The following GNAO1 variants were observed in gnomAD, a reference collection of about 807,000 sequenced individuals.
GNAO1 encodes guanine nucleotide-binding protein G(o) subunit alpha.
For synonymous variants in GNAO1, 164 were observed against 180.7 expected, an observed-to-expected ratio of 0.91 and a Z score of 0.74; for missense variants, 166 against 478.7, an observed-to-expected ratio of 0.35 and a Z score of 6.10.
chr16:56,202,736 G>A (rs1387254077), intron 2 of GNAO1, among the ~76,000 whole-genome samples: 3 of 152,242 alleles, frequency 2.0e-5, no homozygotes, highest in Non-Finnish European at 4.4e-5. Flanking sequence ...TCTCTGTGAA[G>A]TGAGAAGAAT....
chr16:56,218,442 C>T (rs1285085781), intron 2 of GNAO1, among the ~76,000 whole-genome samples: 8 of 152,000 alleles, frequency 5.3e-5, no homozygotes, highest in African/African-American at 1.9e-4. Flanking sequence ...GCAGCAGGCT[C>T]GGCAGGAGAG....
At chr16:56,271,310 T>A (rs972333724) in intron 2 of GNAO1, among the ~76,000 whole-genome samples, 3 of 152,190 alleles carry the variant, frequency 2.0e-5, no homozygotes, top group Admixed American at 6.5e-5. Context: ...CCTAGAATTG[T>A]TTTGAAGGTT....
intron 2 of GNAO1, among the ~76,000 whole-genome samples, chr16:56,239,103 A>G (rs1363442660): frequency 1.3e-5 from 2 of 152,260 alleles, no homozygotes; most frequent in Non-Finnish European, 2.9e-5. Context: ...AATACACTTC[A>G]GTGTCACATC....
At chr16:56,263,131 C>T (rs753291929) in intron 2 of GNAO1, among the ~76,000 whole-genome samples, 2 of 152,150 alleles carry the variant, frequency 1.3e-5, no homozygotes, top group African/African-American at 2.4e-5. Flanking sequence ...CCACAGACTC[C>T]GGGCCCAAGG....
intron 3 of GNAO1, among the ~76,000 whole-genome samples, chr16:56,321,493 C>A (rs747738833): frequency 2.6e-5 from 4 of 152,156 alleles, no homozygotes; most frequent in Non-Finnish European, 5.9e-5. Flanking sequence ...GATTGTTAGT[C>A]TCATTTGACA....
At position 56,328,752 on chromosome 16, in the gene GNAO1, A is replaced by G. The variant is rs758424351; in HGVS notation, c.425A>G (p.Asn142Ser). 3.2e-5 allele frequency: 52 copies of G among 1,613,760 alleles called. No homozygotes were observed. The highest frequency in any genetic ancestry group is 2.3e-4 in the Admixed American group (14 of 60,010). Reference sequence around the variant, plus strand: ...GACTCAGGAATCCAAGAGTGCTTCAACCGGTCCCGGGAGTATCAGCTCAAC... The same window carrying G: ...GACTCAGGAATCCAAGAGTGCTTCAGCCGGTCCCGGGAGTATCAGCTCAAC... ...WGDSGIQECF[N>S]RSREYQLNDS... The change falls in exon 4 of 9, where the codon AAC (asparagine) becomes AGC (serine). Residue 142 changes from asparagine (N) to serine (S), a missense_variant. Coordinates refer to ENST00000262493, the MANE Select transcript of GNAO1 (RefSeq NM_020988.3).
At chr16:56,293,184 G>T (rs1445086190) in intron 3 of GNAO1, among the ~76,000 whole-genome samples, 1 of 152,252 alleles carries the variant, frequency 6.6e-6, no homozygotes. Flanking sequence ...AAGAAGAGAT[G>T]AAATACTTTT....
chr16:56,227,934 A>G (rs1193546560), intron 2 of GNAO1, among the ~76,000 whole-genome samples: 1 of 152,078 alleles, frequency 6.6e-6, no homozygotes, highest in Non-Finnish European at 1.5e-5. Context: ...GGAAGCTGCC[A>G]TCAGGTAGTC....
At chr16:56,305,907 C>A (rs572282371) in intron 3 of GNAO1, among the ~76,000 whole-genome samples, 1 of 152,150 alleles carries the variant, frequency 6.6e-6, no homozygotes, top group Non-Finnish European at 1.5e-5. Context: ...TGGATTAGAA[C>A]CCATCTAATC....
intron 6 of GNAO1, among the ~76,000 whole-genome samples, chr16:56,337,950 C>T (rs2037759205): frequency 6.6e-6 from 1 of 152,210 alleles, no homozygotes; most frequent in Non-Finnish European, 1.5e-5. Flanking sequence ...TCCCCCACCC[C>T]ACGCCTCTGA....
In GNAO1 at chr16:56,328,810, G is replaced by A. The variant is rs373227432; in HGVS notation, c.464+19G>A. 2.3e-5 allele frequency: 37 copies of A among 1,612,202 alleles called. No homozygotes were observed. The highest frequency in any genetic ancestry group is 2.9e-5 in the Non-Finnish European group (34 of 1,178,454). ...CCAAATAGTGAGTGTCCCAGCGGGC[G>A]CATGGCCTGGAGCCGGGCAGTGATG... On this transcript the variant is annotated intron_variant, in intron 4 of 8. Transcript: ENST00000262493.
intron 6 of GNAO1, among the ~76,000 whole-genome samples, chr16:56,341,284 G>C (rs554879265): frequency 7.5e-4 from 114 of 152,208 alleles, no homozygotes; most frequent in Non-Finnish European, 1.2e-3. Flanking sequence ...GTGACGAGAC[G>C]AGCAAACGCC....
chr16:56,195,096 A>C (rs1320864627), intron 2 of GNAO1, among the ~76,000 whole-genome samples: 1 of 115,486 alleles, frequency 8.7e-6, no homozygotes, highest in Non-Finnish European at 1.8e-5. Context: ...TTTTTTTTCC[A>C]ACCTTACAGG....
chr16:56,220,727 A>T (rs1414525330), intron 2 of GNAO1, among the ~76,000 whole-genome samples: 1 of 152,000 alleles, frequency 6.6e-6, no homozygotes, highest in African/African-American at 2.4e-5. Flanking sequence ...GGATGGGATT[A>T]GCGTGGGTTT....
At chr16:56,205,378 G>A (rs1173942213) in intron 2 of GNAO1, among the ~76,000 whole-genome samples, 1 of 152,206 alleles carries the variant, frequency 6.6e-6, no homozygotes, top group African/African-American at 2.4e-5. Flanking sequence ...AGAGCTGGAG[G>A]GACCCATGCA....
At chr16:56,208,448 T>TGC (rs1252310270) in intron 2 of GNAO1, among the ~76,000 whole-genome samples, 850 of 50,212 alleles carry the variant, frequency 0.017, 4 homozygotes, top group Non-Finnish European at 0.029. Flanking sequence ...TGTGTGTGTG[T>TGC]GCGCGCGCGC....
intron 3 of GNAO1, among the ~76,000 whole-genome samples, chr16:56,286,691 GCC>G (rs2037172927): frequency 7.5e-6 from 1 of 133,956 alleles, no homozygotes; most frequent in Non-Finnish European, 1.6e-5. Context: ...TGTCTCTGTC[GCC>G]TCTGTGTGTG....
chr16:56,322,164 C>T (rs564403644), intron 3 of GNAO1, among the ~76,000 whole-genome samples: 24 of 152,140 alleles, frequency 1.6e-4, no homozygotes, highest in Non-Finnish European at 2.9e-5. Context: ...CCCAAAGGCC[C>T]CATCTCCGAA....
chr16:56,307,693 C>T (rs1005571821), intron 3 of GNAO1: 1 of 152,266 alleles, frequency 6.6e-6, no homozygotes, highest in Admixed American at 6.5e-5. Flanking sequence ...GTGTTGTGAC[C>T]TTGGTGGAGT....
Sources: gnomAD v4.1 joint callset for allele counts (sites outside exome capture counted in the v4.1 genomes callset) on GRCh38, gnomAD v4.1.1 for gene constraint, MANE v1.5 for transcripts, NCBI Gene and HGNC (gene_info 2026-07-23, HGNC 2026-07-21) for gene names.